CNTNAP5: variants seen among roughly 807,000 people sequenced by gnomAD.
The protein encoded by CNTNAP5 is contactin-associated protein-like 5.
Under a neutral mutation model 150.2 loss-of-function variants are expected in CNTNAP5, and 72 were observed. The ratio of observed to expected loss-of-function variants is 0.48; its 90% confidence interval spans 0.40 to 0.58. The LOEUF (loss-of-function observed/expected upper bound fraction) is 0.58, where lower values mean the gene tolerates loss of function less well. CNTNAP5 is among the 20% of genes least tolerant of loss of function. The probability of loss-of-function intolerance (pLI) is 0.00; values close to 1 mark genes in which losing one functional copy is unlikely to be tolerated. For missense variants in CNTNAP5, 1,636 were observed against 1,626.2 expected (o/e 1.01, Z -0.10); for synonymous variants, 672 against 619.8 (o/e 1.08, Z -1.25).
intron 16 of CNTNAP5, among the ~76,000 whole-genome samples, chr2:124,768,255 T>C (rs1681108772): frequency 1.4e-5 from 2 of 145,690 alleles, no homozygotes; most frequent in African/African-American, 5.1e-5. Context: ...AAACTGTACA[T>C]ATATATACTG....
At chr2:124,454,964 T>C (rs1051086322) in intron 6 of CNTNAP5, among the ~76,000 whole-genome samples, 1 of 151,720 alleles carries the variant, frequency 6.6e-6, no homozygotes, top group Non-Finnish European at 1.5e-5. Flanking sequence ...AAGCAGACAA[T>C]CTAAGGTCAC....
At chr2:124,416,936 C>CTTTT (rs70996064) in intron 3 of CNTNAP5, among the ~76,000 whole-genome samples, 17 of 106,596 alleles carry the variant, frequency 1.6e-4, no homozygotes, top group South Asian at 6.9e-4. Context: ...AGAGGGATTT[C>CTTTT]TTTTTTTTTT....
chr2:124,652,634 G>A (rs1453982328), intron 13 of CNTNAP5, among the ~76,000 whole-genome samples: 3 of 152,224 alleles, frequency 2.0e-5, no homozygotes, highest in Admixed American at 6.5e-5. Context: ...AGGACAAGAT[G>A]GAGAGGGGTA....
chr2:124,373,888 T>A (rs1690587145), intron 3 of CNTNAP5, among the ~76,000 whole-genome samples: 1 of 152,078 alleles, frequency 6.6e-6, no homozygotes, highest in African/African-American at 2.4e-5. Context: ...AAGCTATTAA[T>A]AAAATTATAT....
At position 124,747,275 on chromosome 2, in the gene CNTNAP5, C is replaced by A; in HGVS notation, c.2124C>A (p.His708Gln). ...TWWIGRSNER[H>Q]PYWGGSPPGV... ...GGATTGGGCGGTCCAATGAAAGGCACCCTTACTGGGGAGGTTCCCCTCCTG... is the reference window on the plus strand; with the variant it reads ...GGATTGGGCGGTCCAATGAAAGGCAACCTTACTGGGGAGGTTCCCCTCCTG... Residue 708 changes from histidine (H) to glutamine (Q), a missense_variant, in exon 14 of 24, where the codon CAC becomes CAA. By Grantham distance (24) the His-to-Gln change is conservative. Coordinates refer to ENST00000682447, the MANE Select transcript of CNTNAP5 (RefSeq NM_001367498.1). The A allele has an allele frequency of 1.9e-6, 3 of 1,613,722 alleles. No homozygotes were observed. The highest frequency in any genetic ancestry group is 2.2e-5 in the South Asian group (2 of 91,076).
chr2:124,854,946 T>C (rs1677320683), intron 19 of CNTNAP5, among the ~76,000 whole-genome samples: 1 of 152,072 alleles, frequency 6.6e-6, no homozygotes, highest in African/African-American at 2.4e-5. Flanking sequence ...AGGAGGCAAG[T>C]AGGTGTTTTC....
chr2:124,520,050 T>G (rs950380321), intron 8 of CNTNAP5, among the ~76,000 whole-genome samples: 1 of 152,194 alleles, frequency 6.6e-6, no homozygotes, highest in African/African-American at 2.4e-5. Flanking sequence ...CAGTATAATA[T>G]AAAAGAATCT....
chr2:124,504,553 ACAGGTACTGTCTGCTGACACTCTGGAT>A lies in CNTNAP5; in HGVS notation c.1327+1_1327+27del. 6.2e-7 allele frequency: 1 copy of A among 1,613,326 alleles called. No homozygotes were observed. Among genetic ancestry groups the A allele is most frequent in the Non-Finnish European group, 8.5e-7 (1 of 1,179,678 alleles). On this transcript the variant is annotated splice_donor_variant and splice_donor_5th_base_variant and coding_sequence_variant and intron_variant, in exon 8 of 24. Transcript: ENST00000682447. LOFTEE classifies it high-confidence loss of function. ...GACAGAACGCGTAGCTGAAATCCTC[ACAGGTACTGTCTGCTGACACTCTGGAT>A]CAGCTTCTTGTTTATCCAAGTCGAC... is the stretch of plus-strand genomic sequence containing the variant.
chr2:124,697,065 C>T (rs1254632722), intron 13 of CNTNAP5, among the ~76,000 whole-genome samples: 1 of 152,040 alleles, frequency 6.6e-6, no homozygotes, highest in East Asian at 1.9e-4. Context: ...AATAAATCTG[C>T]TTATACAACT....
chr2:124,204,597 C>G (rs1297760130), intron 1 of CNTNAP5, among the ~76,000 whole-genome samples: 1 of 152,204 alleles, frequency 6.6e-6, no homozygotes, highest in Non-Finnish European at 1.5e-5. Flanking sequence ...TTAATGCACT[C>G]ATAGTTACAT....
At chr2:124,198,182 A>G (rs1182680977) in intron 1 of CNTNAP5, among the ~76,000 whole-genome samples, 1 of 135,032 alleles carries the variant, frequency 7.4e-6, no homozygotes. Flanking sequence ...GAGCCATTTG[A>G]GTTTCTTTTT....
intron 21 of CNTNAP5, among the ~76,000 whole-genome samples, chr2:124,888,827 A>T (rs1325713925): frequency 5.3e-5 from 8 of 151,930 alleles, no homozygotes; most frequent in Admixed American, 2.0e-4. Context: ...AGTTTCTTAT[A>T]AATTCTGAAA....
chr2:124,798,394 T>C lies in CNTNAP5; in HGVS notation c.3217+74T>C, dbSNP rs571025511. ...GGACGGTGCATGCCCTCCAGAACTCTGCATAATTTCAACCTCAAGTTGGTC... is the reference window on the plus strand; with the variant it reads ...GGACGGTGCATGCCCTCCAGAACTCCGCATAATTTCAACCTCAAGTTGGTC... On this transcript the variant is annotated intron_variant, in intron 19 of 23. Transcript: ENST00000682447. The C allele has an allele frequency of 3.3e-5, 36 of 1,082,182 alleles. No homozygotes were observed. The African/African-American group carries it at 4.2e-4, about 13-fold the overall frequency. The allele number at this position is 1,082,182 out of a possible 1,614,324, so 67.0% of individuals were successfully genotyped here. A position where few individuals can be genotyped will look rare whatever the true frequency, so the allele number is the denominator to read the frequency against.
intron 3 of CNTNAP5, among the ~76,000 whole-genome samples, chr2:124,367,929 T>C (rs184619927): frequency 1.3e-5 from 2 of 152,336 alleles, no homozygotes; most frequent in Admixed American, 6.5e-5. Flanking sequence ...TCTGAACAGA[T>C]ATTTACTTCC....
rs1449091887 is a variant in CNTNAP5 at position 124,542,538 on chromosome 2, G to A, written c.1649+15082G>A. ...GCTGCCTTCCAGCCTCCAGGCACTT[G>A]CTGCTATTTCTCTTGTCTGGAGCTC... On this transcript the variant is annotated intron_variant, in intron 10 of 23. Coordinates refer to ENST00000682447, the MANE Select transcript of CNTNAP5 (RefSeq NM_001367498.1). 2.6e-5 allele frequency among the ~76,000 whole-genome samples: 4 copies of A among 151,908 alleles called. No homozygotes were observed. In the East Asian group the frequency reaches 7.8e-4, roughly 29 times the overall value.
chr2:124,104,656 T>G (rs533526978), intron 1 of CNTNAP5, among the ~76,000 whole-genome samples: 1 of 152,178 alleles, frequency 6.6e-6, no homozygotes, highest in Non-Finnish European at 1.5e-5. Flanking sequence ...TCCTATAATT[T>G]TATTGTCTCC....
At chr2:124,365,006 G>A in intron 3 of CNTNAP5, among the ~76,000 whole-genome samples, 1 of 152,024 alleles carries the variant, frequency 6.6e-6, no homozygotes, top group East Asian at 1.9e-4. Flanking sequence ...AAAACTATTG[G>A]CCATAGAGTT....
At chr2:124,239,003 C>T (rs991641212) in intron 2 of CNTNAP5, among the ~76,000 whole-genome samples, 2 of 152,148 alleles carry the variant, frequency 1.3e-5, no homozygotes, top group African/African-American at 2.4e-5. Flanking sequence ...ATTTTAAAAG[C>T]TTTGGCTGAA....
At chr2:124,131,719 C>T (rs1683853484) in intron 1 of CNTNAP5, among the ~76,000 whole-genome samples, 2 of 152,056 alleles carry the variant, frequency 1.3e-5, no homozygotes, top group Non-Finnish European at 2.9e-5. Flanking sequence ...TATACAAGAG[C>T]TAAATAAAAG....
Sources: allele counts gnomAD v4.1 joint callset (sites outside exome capture counted in the v4.1 genomes callset), GRCh38; gene constraint gnomAD v4.1.1; transcripts MANE v1.5; gene names NCBI Gene and HGNC (gene_info 2026-07-23, HGNC 2026-07-21).